DYM: variants seen among roughly 807,000 people sequenced by gnomAD.
The protein encoded by DYM is dymeclin, also known as dyggve-Melchior-Clausen syndrome protein.
DYM carries 78 observed loss-of-function variants against 93.1 expected under a neutral mutation model. The observed-to-expected ratio is 0.84, with a 90% CI of 0.70 to 1.01. The LOEUF is 1.01. Among genes scored for constraint, DYM ranks in the 50% least tolerant of loss-of-function variants. The pLI is 0.00. For synonymous variants in DYM, 321 were observed against 319.7 expected (o/e 1.00, Z -0.04); for missense variants, 789 against 845.0 (o/e 0.93, Z 0.82).
intron 15 of DYM, among the ~76,000 whole-genome samples, chr18:49,143,835 A>G (rs193238314): frequency 1.3e-5 from 2 of 152,230 alleles, no homozygotes; most frequent in Non-Finnish European, 2.9e-5. Context: ...CAGCCCATCA[A>G]CTCATGGCTA....
chr18:49,113,273 C>T (rs1356301462), intron 16 of DYM, among the ~76,000 whole-genome samples: 1 of 152,170 alleles, frequency 6.6e-6, no homozygotes, highest in Non-Finnish European at 1.5e-5. Context: ...TAGTTCATTG[C>T]ATCTGTCCTC....
chr18:49,139,883 T>C (rs1458333048), intron 15 of DYM, among the ~76,000 whole-genome samples: 2 of 152,188 alleles, frequency 1.3e-5, no homozygotes, highest in East Asian at 1.9e-4. Context: ...CCTTTTCTTA[T>C]TCTCTTTTGC....
Position 49,097,457 on chromosome 18 carries a change from C to T in DYM, c.1970G>A (p.Arg657Gln), listed in dbSNP as rs1432375693. ...LQAGAELSVE[R>Q]VLEIIKQGVV... The stretch of plus-strand genomic sequence containing the variant: ...GCCTTGCTTAATGATTTCCAGGACC[C>T]GTTCCACTGACAGCTCAGCTCCAGC... Residue 657 changes from arginine to glutamine, a missense_variant, in exon 17 of 18, where the codon CGG becomes CAG. Physicochemically the swap from Arg to Gln is conservative, Grantham distance 43 (BLOSUM62 1). Coordinates refer to ENST00000675505, the MANE Select transcript of DYM (RefSeq NM_001353214.3). 6 of 1,614,022 alleles carry T rather than the reference C, an allele frequency of 3.7e-6. 1 individual carries two copies. The highest frequency in any genetic ancestry group is 1.1e-5 in the South Asian group (1 of 91,068).
intron 16 of DYM, among the ~76,000 whole-genome samples, chr18:49,101,242 G>C (rs761647053): frequency 3.3e-5 from 5 of 152,146 alleles, no homozygotes; most frequent in Non-Finnish European, 5.9e-5. Flanking sequence ...GTGAAAGTGG[G>C]GATGAATGCT....
intron 16 of DYM, among the ~76,000 whole-genome samples, chr18:49,106,704 T>G (rs1429221316): frequency 1.3e-5 from 2 of 152,210 alleles, no homozygotes; most frequent in African/African-American, 4.8e-5. Context: ...GGTTGAAAAT[T>G]CTTTTCTTTA....
At chr18:49,450,844 C>T (rs1339151624) in intron 1 of DYM, among the ~76,000 whole-genome samples, 1 of 152,176 alleles carries the variant, frequency 6.6e-6, no homozygotes, top group East Asian at 1.9e-4. Context: ...TTGTCATGCA[C>T]AGACAATTGT....
intron 5 of DYM, among the ~76,000 whole-genome samples, chr18:49,363,524 T>C (rs919227759): frequency 6.6e-6 from 1 of 152,242 alleles, no homozygotes; most frequent in Admixed American, 6.5e-5. Context: ...TATACTGCAC[T>C]GTGTTTCTTT....
intron 13 of DYM, among the ~76,000 whole-genome samples, chr18:49,220,096 C>G (rs1357814207): frequency 7.9e-5 from 12 of 152,244 alleles, no homozygotes; most frequent in Middle Eastern, 3.4e-3. Context: ...CACAAGCTTT[C>G]TTATACACCA....
At chr18:49,421,659 G>T (rs192078142) in intron 2 of DYM, among the ~76,000 whole-genome samples, 1 of 152,228 alleles carries the variant, frequency 6.6e-6, no homozygotes, top group Admixed American at 6.5e-5. Context: ...TGACTTTGAC[G>T]AGTGGAGAGA....
At chr18:49,342,819 A>G (rs2064267511) in intron 6 of DYM, among the ~76,000 whole-genome samples, 1 of 152,196 alleles carries the variant, frequency 6.6e-6, no homozygotes, top group Non-Finnish European at 1.5e-5. Flanking sequence ...GTAGCCTAGG[A>G]GCAACAGGTT....
At chr18:49,313,494 A>AAAAAAAAC (rs2061735758) in intron 8 of DYM, among the ~76,000 whole-genome samples, 1 of 143,266 alleles carries the variant, frequency 7.0e-6, no homozygotes, top group Non-Finnish European at 1.5e-5. Context: ...AAAAAAAAAA[A>AAAAAAAAC]AAAGGGCTGC....
chr18:49,319,723 G>A (rs978787624), intron 8 of DYM, among the ~76,000 whole-genome samples: 7 of 152,188 alleles, frequency 4.6e-5, no homozygotes, highest in Admixed American at 4.6e-4. Context: ...ACTTGCAAAA[G>A]GCAGGGCCTG....
intron 14 of DYM, among the ~76,000 whole-genome samples, chr18:49,196,870 T>G (rs1022844308): frequency 6.6e-6 from 1 of 152,056 alleles, no homozygotes. Context: ...AAGGACTAGG[T>G]AGGAGTCCAG....
chr18:49,296,878 T>C (rs897052524), intron 8 of DYM, among the ~76,000 whole-genome samples: 8 of 152,196 alleles, frequency 5.3e-5, no homozygotes, highest in African/African-American at 1.9e-4. Context: ...ACTGTCTGAC[T>C]TGGATTATAC....
At chr18:49,112,510 T>A (rs1568441340) in intron 16 of DYM, among the ~76,000 whole-genome samples, 1 of 152,238 alleles carries the variant, frequency 6.6e-6, no homozygotes, top group South Asian at 2.1e-4. Flanking sequence ...CTCCTTGGGA[T>A]CTAGACTATT....
chr18:49,290,717 T>C (rs1264400617), intron 8 of DYM, among the ~76,000 whole-genome samples: 1 of 152,104 alleles, frequency 6.6e-6, no homozygotes, highest in African/African-American at 2.4e-5. Context: ...CACATATCTA[T>C]GCATGTAAGT....
intron 15 of DYM, among the ~76,000 whole-genome samples, chr18:49,152,181 T>G (rs1314576204): frequency 4.6e-5 from 7 of 152,206 alleles, no homozygotes; most frequent in African/African-American, 1.7e-4. Context: ...AATAATTTTT[T>G]TAAAAGTCCT....
chr18:49,305,333 C>T (rs145726796), intron 8 of DYM, among the ~76,000 whole-genome samples: 1,965 of 152,252 alleles, frequency 0.013, 26 homozygotes, highest in Non-Finnish European at 0.019. Context: ...ACTTTAAGTT[C>T]ATCACCACAA....
At chr18:49,437,784 C>T (rs1194404058) in intron 1 of DYM, among the ~76,000 whole-genome samples, 1 of 152,184 alleles carries the variant, frequency 6.6e-6, no homozygotes, top group Non-Finnish European at 1.5e-5. Flanking sequence ...TTTTTCAATA[C>T]AATTTTATTT....
Sources: allele counts gnomAD v4.1 joint callset (sites outside exome capture counted in the v4.1 genomes callset), GRCh38; gene constraint gnomAD v4.1.1; transcripts MANE v1.5; gene names NCBI Gene and HGNC (gene_info 2026-07-23, HGNC 2026-07-21).